Variants in CPA3 observed in about 807,000 individuals in gnomAD.
The protein encoded by CPA3 is carboxypeptidase A3.
A neutral mutation model predicts 55.8 loss-of-function variants in CPA3; 52 were observed. The observed-to-expected ratio is 0.93, with a 90% CI of 0.75 to 1.17. The LOEUF is 1.17. Ranked by LOEUF, CPA3 falls within the 50% of genes most tolerant of loss-of-function variation. CPA3 has a pLI of 0.00. For synonymous variants in CPA3, 179 were observed against 171.2 expected, an observed-to-expected ratio of 1.05 and a Z score of -0.36; for missense variants, 547 against 509.1, an observed-to-expected ratio of 1.07 and a Z score of -0.72.
chr3:148,874,141 T>C (rs1298958958), intron 3 of CPA3, among the ~76,000 whole-genome samples: 1 of 152,218 alleles, frequency 6.6e-6, no homozygotes, highest in East Asian at 1.9e-4. Context: ...ACCGTTCTGA[T>C]GTTCTCATGC....
chr3:148,878,146 G>A (rs550200683), intron 3 of CPA3, among the ~76,000 whole-genome samples: 7 of 152,180 alleles, frequency 4.6e-5, no homozygotes, highest in South Asian at 2.1e-4. Context: ...TCAAAATCTG[G>A]TGTATATTTT....
At chr3:148,866,946 G>A (rs576036067) in intron 2 of CPA3, among the ~76,000 whole-genome samples, 32 of 152,160 alleles carry the variant, frequency 2.1e-4, no homozygotes, top group African/African-American at 7.0e-4. Flanking sequence ...TAGTGAAGAC[G>A]GGGTTTTGCC....
chr3:148,872,096 T>C (rs1395034169), intron 3 of CPA3, among the ~76,000 whole-genome samples: 1 of 152,220 alleles, frequency 6.6e-6, no homozygotes, highest in African/African-American at 2.4e-5. Context: ...TTTTCTTTAA[T>C]TTTTAGAAAA....
chr3:148,890,599 T>C (rs1156713583), intron 10 of CPA3, among the ~76,000 whole-genome samples: 4 of 152,222 alleles, frequency 2.6e-5, no homozygotes, highest in African/African-American at 7.2e-5. Context: ...AATATTTCAG[T>C]GTATGCCCAT....
At position 148,881,625 on chromosome 3, in the gene CPA3, G is replaced by A; in HGVS notation, c.680G>A (p.Trp227Ter). ...AATGTTGATGGATATATTTGGTCAT[G>A]GACAAAGGTACTGCTCTCTACTCTC... ...VFNVDGYIWS[W>*]TKNRMWRKNR... The change falls in exon 7 of 11, where the codon TGG becomes TAG. Residue 227 changes from tryptophan to a stop codon, truncating the protein, a stop_gained. Coordinates refer to ENST00000296046, the MANE Select transcript of CPA3 (RefSeq NM_001870.4). LOFTEE classifies it high-confidence loss of function. The A allele has an allele frequency of 1.2e-5, 19 of 1,601,290 alleles. No homozygotes were observed. Among genetic ancestry groups the A allele is most frequent in the Non-Finnish European group, 1.5e-5 (18 of 1,169,662 alleles).
At chr3:148,894,788 G>A (rs1415852923) in intron 10 of CPA3, among the ~76,000 whole-genome samples, 1 of 151,960 alleles carries the variant, frequency 6.6e-6, no homozygotes, top group East Asian at 1.9e-4. Context: ...CTAAATGTGT[G>A]CACACCAATT....
At chr3:148,887,521 T>G (rs572571379) in intron 10 of CPA3, among the ~76,000 whole-genome samples, 1 of 152,300 alleles carries the variant, frequency 6.6e-6, no homozygotes, top group Non-Finnish European at 1.5e-5. Flanking sequence ...ACATACTGTT[T>G]GTGCATTTGG....
intron 3 of CPA3, 28 bp from the exon 4 acceptor site, chr3:148,878,411 CAT>C: frequency 7.1e-7 from 1 of 1,405,642 alleles, no homozygotes; most frequent in Non-Finnish European, 1.0e-6. Flanking sequence ...CATGATAAAA[CAT>C]GTATTTTATC....
intron 10 of CPA3, among the ~76,000 whole-genome samples, chr3:148,887,626 G>A (rs1576584565): frequency 6.6e-6 from 1 of 152,146 alleles, no homozygotes; most frequent in East Asian, 1.9e-4. Flanking sequence ...CAGATCCTGG[G>A]AAGTGAGACC....
chr3:148,890,168 C>A (rs941501408), intron 10 of CPA3, among the ~76,000 whole-genome samples: 4 of 152,062 alleles, frequency 2.6e-5, no homozygotes, highest in Admixed American at 6.6e-5. Flanking sequence ...CACTTTGCCC[C>A]AAAGCAGCAA....
intron 8 of CPA3, among the ~76,000 whole-genome samples, chr3:148,883,330 C>G (rs926481129): frequency 3.9e-5 from 6 of 152,252 alleles, no homozygotes; most frequent in Non-Finnish European, 7.4e-5. Context: ...GTATCTGGCT[C>G]CAAGTCATGG....
intron 10 of CPA3, 93 bp from the exon 11 acceptor site, chr3:148,896,427 A>AT: frequency 9.2e-7 from 1 of 1,090,062 alleles, no homozygotes; most frequent in Non-Finnish European, 1.3e-6. Flanking sequence ...ACACATAACT[A>AT]TTTTTTATTG....
At position 148,883,671 on chromosome 3, in the gene CPA3, C is replaced by G. The variant is rs754107419; in HGVS notation, c.837C>G (p.Ser279=). 4 of 1,613,980 alleles carry G rather than the reference C, an allele frequency of 2.5e-6. No individual in the cohort carries two copies. The highest frequency in any genetic ancestry group is 1.3e-5 in the African/African-American group (1 of 75,012). ...ADNYRGSAPE[S]EKETKAVTNF... The stretch of plus-strand genomic sequence containing the variant: ...ACTATCGGGGCTCTGCACCAGAGTC[C>G]GAGAAAGAGACGAAAGCTGTCACTA... The change falls in exon 9 of 11, where the codon TCC becomes TCG. Residue 279 remains serine (S), a synonymous_variant. Coordinates refer to ENST00000296046, the MANE Select transcript of CPA3 (RefSeq NM_001870.4).
chr3:148,896,064 T>G (rs978793191), intron 10 of CPA3, among the ~76,000 whole-genome samples: 3 of 152,226 alleles, frequency 2.0e-5, no homozygotes, highest in African/African-American at 7.2e-5. Flanking sequence ...CTTGGTCTTT[T>G]GACTATGAAA....
Position 148,878,551 on chromosome 3 carries a change from A to G in CPA3, c.372+8A>G, listed in dbSNP as rs1437871452. The G allele has an allele frequency of 1.3e-6, 2 of 1,596,734 alleles. No homozygotes were observed. Among genetic ancestry groups the G allele is most frequent in the Admixed American group, 1.7e-5 (1 of 59,130 alleles). ...TACAATAATTGGGAAAAGGTACAGT[A>G]AAAAATGCCTGTACTTTTTTTTAAG... On this transcript the variant is annotated splice_region_variant and intron_variant, in intron 4 of 10. Transcript: ENST00000296046.
chr3:148,880,860 A>G (rs1207330438), intron 6 of CPA3, among the ~76,000 whole-genome samples: 3 of 152,108 alleles, frequency 2.0e-5, no homozygotes, highest in Non-Finnish European at 4.4e-5. Context: ...CTCCCAACTG[A>G]GGGCCAAGAG....
intron 10 of CPA3, among the ~76,000 whole-genome samples, chr3:148,892,720 G>C (rs1714707256): frequency 6.6e-6 from 1 of 152,116 alleles, no homozygotes; most frequent in African/African-American, 2.4e-5. Context: ...GCACATGCCT[G>C]TAATCCCAGC....
At chr3:148,874,086 C>T (rs1417379723) in intron 3 of CPA3, among the ~76,000 whole-genome samples, 7 of 152,188 alleles carry the variant, frequency 4.6e-5, no homozygotes, top group African/African-American at 1.7e-4. Flanking sequence ...TTCTTAATTT[C>T]CAGCCTTAGG....
rs144306045 is a variant in CPA3, at chr3:148,882,027, G to C, written c.687+395G>C. Among the ~76,000 whole-genome samples, 35 of 152,220 alleles carry C rather than the reference G, an allele frequency of 2.3e-4. No individual in the cohort carries two copies. In the East Asian group the frequency reaches 6.6e-3, roughly 29 times the overall value. ...TCAAAAAAAATAAAAGAGAGGTACAGATACCTATTTGTCTTTTTACAGTAT... is the reference window on the plus strand; with the variant it reads ...TCAAAAAAAATAAAAGAGAGGTACACATACCTATTTGTCTTTTTACAGTAT... On this transcript the variant is annotated intron_variant, in intron 7 of 10. Coordinates refer to ENST00000296046, the MANE Select transcript of CPA3 (RefSeq NM_001870.4).
Sources: allele counts gnomAD v4.1 joint callset (sites outside exome capture counted in the v4.1 genomes callset), GRCh38; gene constraint gnomAD v4.1.1; transcripts MANE v1.5; gene names NCBI Gene and HGNC (gene_info 2026-07-23, HGNC 2026-07-21).